SLC44A5: variants seen among roughly 807,000 people sequenced by gnomAD.
SLC44A5 encodes solute carrier family 44 member 5.
In SLC44A5, 57 loss-of-function variants were observed where a neutral mutation model predicts 101.8. That is an observed-to-expected ratio of 0.56 (90% confidence interval 0.45 to 0.70). SLC44A5 has a LOEUF of 0.70. SLC44A5 is among the 30% of genes least tolerant of loss of function. SLC44A5 has a pLI of 0.00. For synonymous variants in SLC44A5, 281 were observed against 290.9 expected, an observed-to-expected ratio of 0.97 and a Z score of 0.35; for missense variants, 737 against 853.1, an observed-to-expected ratio of 0.86 and a Z score of 1.70.
chr1:75,714,814 C>T, the SLC44A5 span, among the ~76,000 whole-genome samples: 5 of 152,172 alleles, frequency 3.3e-5, no homozygotes, highest in Admixed American at 3.3e-4. Context: ...GCTGGGATTA[C>T]AGGCATGTGC....
At chr1:75,421,863 T>C (rs1049472798) in intron 2 of SLC44A5, among the ~76,000 whole-genome samples, 4 of 152,028 alleles carry the variant, frequency 2.6e-5, no homozygotes, top group Admixed American at 2.6e-4. Flanking sequence ...AAGAAATCTG[T>C]TACTTTTTTG....
chr1:75,601,499 T>G (rs888840705), intron 1 of SLC44A5, among the ~76,000 whole-genome samples: 1 of 152,064 alleles, frequency 6.6e-6, no homozygotes, highest in African/African-American at 2.4e-5. Context: ...AACCTGCACA[T>G]TCTGCACATG....
intron 3 of SLC44A5, chr1:75,354,143 A>G (rs1333414407): frequency 5.4e-6 from 1 of 186,862 alleles, no homozygotes; most frequent in Non-Finnish European, 1.1e-5. Flanking sequence ...TGGAATCACT[A>G]TAGATGTCTG....
At chr1:75,664,387 T>C in the SLC44A5 span, among the ~76,000 whole-genome samples, 1 of 152,152 alleles carries the variant, frequency 6.6e-6, no homozygotes, top group Middle Eastern at 3.2e-3. Context: ...TCTTCACTGA[T>C]GATACAATTC....
chr1:75,625,580 T>G, the SLC44A5 span, among the ~76,000 whole-genome samples: 1 of 152,164 alleles, frequency 6.6e-6, no homozygotes, highest in Non-Finnish European at 1.5e-5. Context: ...GGTTGCAACT[T>G]GTCAAATGAT....
chr1:75,659,490 A>C, the SLC44A5 span, among the ~76,000 whole-genome samples: 77 of 42,328 alleles, frequency 1.8e-3, no homozygotes, highest in Middle Eastern at 0.019. Flanking sequence ...GGAAGGAAGG[A>C]AGGCAGGCAG....
intron 7 of SLC44A5, among the ~76,000 whole-genome samples, chr1:75,246,922 T>G (rs1380578428): frequency 6.6e-6 from 1 of 152,076 alleles, no homozygotes; most frequent in Non-Finnish European, 1.5e-5. Flanking sequence ...ATAGGATATG[T>G]GGTCAGAGAG....
chr1:75,389,146 A>G (rs762384078), intron 3 of SLC44A5, among the ~76,000 whole-genome samples: 11 of 152,248 alleles, frequency 7.2e-5, no homozygotes, highest in Non-Finnish European at 1.2e-4. Context: ...CCCTAAATAT[A>G]TACGCACTCA....
the SLC44A5 span, among the ~76,000 whole-genome samples, chr1:75,617,617 C>T: frequency 6.6e-6 from 1 of 152,122 alleles, no homozygotes; most frequent in Non-Finnish European, 1.5e-5. Context: ...TGTGAAATGA[C>T]CAATTCCTCT....
the SLC44A5 span, among the ~76,000 whole-genome samples, chr1:75,681,247 A>C: frequency 1.3e-5 from 2 of 152,216 alleles, no homozygotes. Flanking sequence ...ATCCTCCCTA[A>C]CTCAGTTTAT....
intron 6 of SLC44A5, among the ~76,000 whole-genome samples, chr1:75,267,049 T>A (rs558640490): frequency 1.5e-4 from 23 of 152,292 alleles, no homozygotes; most frequent in Admixed American, 5.2e-4. Flanking sequence ...CTTGACTTTA[T>A]CTCTGAAGAC....
intron 2 of SLC44A5, among the ~76,000 whole-genome samples, chr1:75,449,266 A>C (rs910841168): frequency 2.0e-5 from 3 of 152,180 alleles, no homozygotes; most frequent in Non-Finnish European, 2.9e-5. Context: ...GTCTTGCCAC[A>C]TTGGTTGTGT....
At chr1:75,659,088 A>G in the SLC44A5 span, among the ~76,000 whole-genome samples, 3 of 152,006 alleles carry the variant, frequency 2.0e-5, no homozygotes, top group Non-Finnish European at 2.9e-5. Context: ...GATATAAAAG[A>G]TCTGAACAGA....
At chr1:75,208,986 G>A (rs1646801238) in intron 23 of SLC44A5, among the ~76,000 whole-genome samples, 1 of 152,160 alleles carries the variant, frequency 6.6e-6, no homozygotes, top group Non-Finnish European at 1.5e-5. Flanking sequence ...TTGGCTCAGG[G>A]CATCATTTAA....
intron 3 of SLC44A5, among the ~76,000 whole-genome samples, chr1:75,367,744 C>G (rs1044569362): frequency 6.6e-6 from 1 of 152,284 alleles, no homozygotes; most frequent in Non-Finnish European, 1.5e-5. Context: ...GCCAAGGTCA[C>G]CATCAGTGAG....
At chr1:75,405,247 A>T (rs1662772528) in intron 2 of SLC44A5, among the ~76,000 whole-genome samples, 1 of 152,168 alleles carries the variant, frequency 6.6e-6, no homozygotes, top group South Asian at 2.1e-4. Flanking sequence ...ACCCCCACAC[A>T]ATAATCTTGG....
intron 2 of SLC44A5, among the ~76,000 whole-genome samples, chr1:75,505,312 GTGA>G (rs985464185): frequency 2.0e-5 from 3 of 152,156 alleles, no homozygotes; most frequent in African/African-American, 7.2e-5. Flanking sequence ...GAATAGTGCT[GTGA>G]TGAACAAATG....
chr1:75,347,843 G>A (rs970310361), intron 3 of SLC44A5, among the ~76,000 whole-genome samples: 1 of 152,124 alleles, frequency 6.6e-6, no homozygotes, highest in Non-Finnish European at 1.5e-5. Flanking sequence ...TGGACCATAT[G>A]TGAGGCAGAA....
chr1:75,322,543 C>G (rs373870287), intron 4 of SLC44A5, among the ~76,000 whole-genome samples: 5 of 152,176 alleles, frequency 3.3e-5, no homozygotes, highest in African/African-American at 9.6e-5. Context: ...ATTTAGGAGA[C>G]ATTCTTAGGA....
Sources: gnomAD v4.1 joint callset for allele counts (sites outside exome capture counted in the v4.1 genomes callset) on GRCh38, gnomAD v4.1.1 for gene constraint, MANE v1.5 for transcripts, NCBI Gene and HGNC (gene_info 2026-07-23, HGNC 2026-07-21) for gene names.